The following MICAL2 variants were observed in gnomAD, a reference collection of about 807,000 sequenced individuals.
MICAL2 encodes the protein [F-actin]-monooxygenase MICAL2.
A neutral mutation model predicts 127.3 loss-of-function variants in MICAL2; 77 were observed. The ratio of observed to expected loss-of-function variants is 0.60; its 90% CI spans 0.50 to 0.73. The LOEUF (loss-of-function observed/expected upper bound fraction) is 0.73, where lower values mean the gene tolerates loss of function less well. Among genes scored for constraint, MICAL2 ranks in the 30% least tolerant of loss-of-function variants. MICAL2 has a pLI of 0.00. For synonymous variants in MICAL2, 570 were observed against 551.1 expected (o/e 1.03, Z -0.48); for missense variants, 1,351 against 1,434.4 (o/e 0.94, Z 0.94).
chr11:12,343,621 G>A (rs981735288), intron 32 of MICAL2, among the ~76,000 whole-genome samples: 18 of 152,100 alleles, frequency 1.2e-4, no homozygotes, highest in Admixed American at 4.6e-4. Flanking sequence ...TAGCTAGAAC[G>A]TGTGGGTATA....
chr11:12,305,570 A>G (rs1376116352), intron 29 of MICAL2, among the ~76,000 whole-genome samples: 1 of 152,192 alleles, frequency 6.6e-6, no homozygotes, highest in Non-Finnish European at 1.5e-5. Context: ...GAAATTAACA[A>G]CTAATGATAG....
intron 29 of MICAL2, among the ~76,000 whole-genome samples, chr11:12,302,587 GCCCA>G (rs1361642373): frequency 2.0e-5 from 3 of 151,934 alleles, no homozygotes; most frequent in Non-Finnish European, 2.9e-5. Flanking sequence ...GAAGTCTTTT[GCCCA>G]TACTTTTATT....
In MICAL2 at chr11:12,244,507, C is replaced by T. The variant is rs1034818635; in HGVS notation, c.2784+395C>T. ...TCACATCACATACTGCTGATATTTG[C>T]CTGTTTTGTCCTAATAAGATGGCAA... On this transcript the variant is annotated intron_variant, in intron 21 of 27. Coordinates refer to ENST00000683283, the MANE Select transcript of MICAL2 (RefSeq NM_001282663.2). Among the ~76,000 whole-genome samples, 6 of 152,138 alleles carry T rather than the reference C, an allele frequency of 3.9e-5. No homozygotes were observed. The South Asian group carries it at 1.2e-3, about 32-fold the overall frequency.
At chr11:12,206,155 G>A (rs897624823) in intron 4 of MICAL2, among the ~76,000 whole-genome samples, 16 of 152,092 alleles carry the variant, frequency 1.1e-4, no homozygotes, top group Admixed American at 6.6e-4. Context: ...AATGTATGTC[G>A]GTTACCAATT....
At position 12,226,158 on chromosome 11, in the gene MICAL2, T is replaced by C. The variant is rs58003391; in HGVS notation, c.1689-13T>C. The stretch of plus-strand genomic sequence containing the variant: ...CTCTCCCTGAATTTCTCTGCTTTGT[T>C]TTGATTCTCTAGCAACTTTGACTCT... On this transcript the variant is annotated splice_polypyrimidine_tract_variant and intron_variant, in intron 13 of 27. Transcript: ENST00000683283. 2,806 of 1,614,126 alleles carry C rather than the reference T, an allele frequency of 1.7e-3. 36 individuals are homozygous for C. In the African/African-American group the frequency reaches 0.033, roughly 19 times the overall value.
At chr11:12,361,340 T>C (rs536550364), downstream of MICAL2, among the ~76,000 whole-genome samples, 75 of 152,300 alleles carry the variant, frequency 4.9e-4, no homozygotes, top group Admixed American at 2.4e-3. Context: ...CTGTGCCAGA[T>C]GCTGAGATAC....
chr11:12,299,673 A>G (rs140417506), intron 29 of MICAL2, among the ~76,000 whole-genome samples: 167 of 152,314 alleles, frequency 1.1e-3, no homozygotes, highest in African/African-American at 3.8e-3. Flanking sequence ...AAACGTTTTT[A>G]TTGCAGTATT....
rs766945298 is a variant in MICAL2 at position 12,259,777 on chromosome 11, T to C, written c.3232-18T>C. 1.3e-6 allele frequency: 2 copies of C among 1,526,490 alleles called. No individual in the cohort carries two copies. The highest frequency in any genetic ancestry group is 1.4e-5 in the African/African-American group (1 of 72,170). 94.6% of individuals were successfully genotyped at this position (1,526,490 alleles called of 1,614,324 possible). ...GAAGACTTACAGACAAATGCCCTCATTTCCATCTCTTTCTCAGGAGGAGGC... is the reference window on the plus strand; with the variant it reads ...GAAGACTTACAGACAAATGCCCTCACTTCCATCTCTTTCTCAGGAGGAGGC... On this transcript the variant is annotated intron_variant, in intron 25 of 27. Transcript: ENST00000683283.
intron 3 of MICAL2, among the ~76,000 whole-genome samples, chr11:12,167,611 G>A (rs1349859602): frequency 6.6e-6 from 1 of 152,200 alleles, no homozygotes; most frequent in Admixed American, 6.5e-5. Context: ...CCTGATACGG[G>A]CAGTTCCAGT....
chr11:12,220,354 A>G lies in MICAL2; in HGVS notation c.1102A>G (p.Met368Val). ...CCACTATGGGCAGCCTGATGTGGCCATGTTTGACTTTACCTGCATGTATGC... is the reference window on the plus strand; with the variant it reads ...CCACTATGGGCAGCCTGATGTGGCCGTGTTTGACTTTACCTGCATGTATGC... ...MNHYGQPDVA[M>V]FDFTCMYASE... Residue 368 changes from methionine to valine, a missense_variant, in exon 9 of 28, where the codon ATG becomes GTG. By Grantham distance (21) the Met-to-Val change is conservative (BLOSUM62 1). Around this residue, in one of 2 missense-constraint regions of MICAL2, gnomAD observed 599 missense variants for 714.9 expected, o/e 0.84. Coordinates refer to ENST00000683283, the MANE Select transcript of MICAL2 (RefSeq NM_001282663.2). 2 of 1,614,236 alleles carry G rather than the reference A, an allele frequency of 1.2e-6. No individual in the cohort carries two copies. Among genetic ancestry groups the G allele is most frequent in the East Asian group, 2.2e-5 (1 of 44,884 alleles).
chr11:12,283,497 T>C (rs1292258925), intron 2 of MICAL2, among the ~76,000 whole-genome samples: 4 of 152,298 alleles, frequency 2.6e-5, no homozygotes, highest in African/African-American at 9.6e-5. Context: ...TTATTCAGAC[T>C]TTAAAAAGAA....
At chr11:12,303,470 T>C (rs879836870) in intron 29 of MICAL2, 2 of 152,198 alleles carry the variant, frequency 1.3e-5, no homozygotes, top group African/African-American at 2.4e-5. Context: ...ACAACTTTAT[T>C]TGATAGGGTT....
In MICAL2 at chr11:12,216,178, C is replaced by T. The variant is rs756195762; in HGVS notation, c.848-41C>T. ...ACAGTTCCTGGCACACAGTTGGTGC[C>T]GAGGAAGTAACACTGAGCTTGTGAA... On this transcript the variant is annotated intron_variant, in intron 7 of 27. Coordinates refer to ENST00000683283, the MANE Select transcript of MICAL2 (RefSeq NM_001282663.2). 7 of 1,452,186 alleles carry T rather than the reference C, an allele frequency of 4.8e-6. No homozygotes were observed. The East Asian group carries it at 1.4e-4, about 28-fold the overall frequency. The allele number at this position is 1,452,186 out of a possible 1,614,324, so 90.0% of individuals were successfully genotyped here.
chr11:12,324,183 A>T, intron 31 of MICAL2: 7 of 1,294,972 alleles, frequency 5.4e-6, no homozygotes, highest in Non-Finnish European at 7.2e-6. Flanking sequence ...GGCTGGAGAA[A>T]GGTCAGTCTT....
chr11:12,289,796 T>G (rs1325027378), downstream of MICAL2, among the ~76,000 whole-genome samples: 3 of 152,090 alleles, frequency 2.0e-5, no homozygotes, highest in Non-Finnish European at 4.4e-5. Flanking sequence ...CTTGAACTCC[T>G]GAGCTCAAGT....
intron 3 of MICAL2, among the ~76,000 whole-genome samples, chr11:12,178,369 C>T (rs6485545): frequency 0.67 from 101,012 of 151,720 alleles, 33,688 homozygotes; most frequent in Middle Eastern, 0.74. Context: ...GTCCTGAGAA[C>T]ATGTGCCCAA....
intron 1 of MICAL2, among the ~76,000 whole-genome samples, chr11:12,280,158 C>G (rs142590378): frequency 0.015 from 2,219 of 152,156 alleles, 25 homozygotes; most frequent in Non-Finnish European, 0.022. Flanking sequence ...CCACCCCTCA[C>G]CCCCACCCAG....
chr11:12,164,504 A>G lies in MICAL2; in HGVS notation c.264+2085A>G, dbSNP rs549895437. Among the ~76,000 whole-genome samples the G allele has an allele frequency of 5.3e-5, 8 of 152,318 alleles. No homozygotes were observed. The East Asian group carries it at 1.2e-3, about 22-fold the overall frequency. ...AAATCATTGACTCATATTAACAGGAAGGTCCAGACACTTTAAGTCCTGACC... is the reference window on the plus strand; with the variant it reads ...AAATCATTGACTCATATTAACAGGAGGGTCCAGACACTTTAAGTCCTGACC... On this transcript the variant is annotated intron_variant, in intron 3 of 27. Coordinates refer to ENST00000683283, the MANE Select transcript of MICAL2 (RefSeq NM_001282663.2).
chr11:12,257,922 T>C (rs935682335), intron 24 of MICAL2, among the ~76,000 whole-genome samples: 1 of 152,212 alleles, frequency 6.6e-6, no homozygotes, highest in African/African-American at 2.4e-5. Context: ...CCATCACTGC[T>C]GCCATTTGCT....
Sources: allele counts gnomAD v4.1 joint callset (sites outside exome capture counted in the v4.1 genomes callset), GRCh38; gene constraint gnomAD v4.1.1; regional missense constraint gnomAD v4.1.1; transcripts MANE v1.5; gene names NCBI Gene and HGNC (gene_info 2026-07-23, HGNC 2026-07-21).